The following CDCA2 variants were observed in gnomAD, a reference collection of about 807,000 sequenced individuals.
CDCA2 encodes cell division cycle associated 2.
CDCA2 carries 44 observed loss-of-function variants against 67.0 expected under a neutral mutation model. That is an observed-to-expected ratio of 0.66 (90% CI 0.52 to 0.84). The LOEUF is 0.84. CDCA2 is among the 40% of genes least tolerant of loss of function. CDCA2 has a pLI of 0.00. For synonymous variants in CDCA2, 447 were observed against 418.7 expected (o/e 1.07, Z -0.82); for missense variants, 1,253 against 1,203.2 (o/e 1.04, Z -0.61).
At chr8:25,477,590 A>T (rs1803399794) in intron 7 of CDCA2, among the ~76,000 whole-genome samples, 1 of 152,170 alleles carries the variant, frequency 6.6e-6, no homozygotes, top group African/African-American at 2.4e-5. Flanking sequence ...TGTAATCTGA[A>T]ACACTTCTGA....
rs145029103 is a variant in CDCA2 at position 25,459,473 on chromosome 8, G to T, written c.-1G>T. The T allele has an allele frequency of 3.9e-5, 6 of 152,540 alleles. No individual in the cohort carries two copies. Among genetic ancestry groups the T allele is most frequent in the Admixed American group, 2.0e-4 (3 of 15,314 alleles). 9.4% of individuals were successfully genotyped at this position (152,540 alleles called of 1,614,324 possible). ...GCGGGCCTTCAGGTGCGGCGTGAGA[G>T]GTAGGATTGCATCCGCGCTGCCACG... On this transcript the variant is annotated splice_region_variant and 5_prime_UTR_variant, in exon 1 of 15. Coordinates refer to ENST00000330560, the MANE Select transcript of CDCA2 (RefSeq NM_152562.4).
chr8:25,460,122 C>A, intron 1 of CDCA2, 118 bp from the exon 2 acceptor site: 1 of 911,080 alleles, frequency 1.1e-6, no homozygotes, highest in Non-Finnish European at 1.8e-6. Flanking sequence ...AAACCTGTGA[C>A]GTGTGTTTCT....
intron 13 of CDCA2, among the ~76,000 whole-genome samples, chr8:25,490,978 G>C (rs893286566): frequency 5.0e-4 from 76 of 152,148 alleles, no homozygotes; most frequent in Non-Finnish European, 7.4e-5. Context: ...GTTAAAAACT[G>C]ACTTCAGAGA....
At chr8:25,469,824 C>T (rs952146588) in intron 6 of CDCA2, 72 bp from the exon 7 acceptor site, 1 of 899,896 alleles carries the variant, frequency 1.1e-6, no homozygotes, top group East Asian at 2.5e-5. Context: ...ATAATGTTTA[C>T]TCAAATCTTC....
At position 25,506,758 on chromosome 8, in the gene CDCA2, T is replaced by C; in HGVS notation, c.2092T>C (p.Ser698Pro). Residue 698 changes from serine to proline, a missense_variant, in exon 15 of 15, where the codon TCA becomes CCA. By Grantham distance (74) the Ser-to-Pro change is moderately conservative (BLOSUM62 -1). Transcript: ENST00000330560. The part of the protein sequence containing the change: ...NKNIPKAKNK[S>P]ESENEPKAGT... ...AAATATTCCAAAAGCAAAAAATAAG[T>C]CAGAAAGTGAAAATGAACCAAAAGC... 6.2e-7 allele frequency: 1 copy of C among 1,613,308 alleles called. No homozygotes were observed. The highest frequency in any genetic ancestry group is 8.5e-7 in the Non-Finnish European group (1 of 1,179,868).
chr8:25,460,809 A>G (rs866974598), intron 3 of CDCA2, among the ~76,000 whole-genome samples: 1 of 152,196 alleles, frequency 6.6e-6, no homozygotes, highest in Non-Finnish European at 1.5e-5. Flanking sequence ...ACTAGAAAAT[A>G]ATGTGTGTGT....
chr8:25,484,692 A>G (rs1426119672), intron 10 of CDCA2, among the ~76,000 whole-genome samples: 1 of 151,554 alleles, frequency 6.6e-6, no homozygotes, highest in Non-Finnish European at 1.5e-5. Flanking sequence ...CCCAGGCTCA[A>G]GCTATCCTCC....
intron 13 of CDCA2, among the ~76,000 whole-genome samples, chr8:25,496,150 A>G (rs908129148): frequency 5.9e-5 from 9 of 151,980 alleles, no homozygotes; most frequent in Non-Finnish European, 1.0e-4. Flanking sequence ...GAAGGATGCT[A>G]AAAAAAACTA....
intron 13 of CDCA2, among the ~76,000 whole-genome samples, chr8:25,496,880 T>C (rs923583943): frequency 6.6e-6 from 1 of 152,196 alleles, no homozygotes; most frequent in Non-Finnish European, 1.5e-5. Context: ...ACAAAATGTT[T>C]TATTTGGGAA....
intron 7 of CDCA2, among the ~76,000 whole-genome samples, chr8:25,477,237 C>G (rs557977781): frequency 1.3e-5 from 2 of 152,322 alleles, no homozygotes; most frequent in Non-Finnish European, 2.9e-5. Context: ...TACAACCAGG[C>G]CCTCCTGTGA....
At chr8:25,461,097 G>A (rs529524547) in intron 3 of CDCA2, among the ~76,000 whole-genome samples, 153 of 151,826 alleles carry the variant, frequency 1.0e-3, no homozygotes, top group African/African-American at 3.3e-3. Context: ...GAGAAACCTC[G>A]TCTCTACTAA....
chr8:25,474,927 C>G (rs1421434059), intron 7 of CDCA2, among the ~76,000 whole-genome samples: 1 of 152,184 alleles, frequency 6.6e-6, no homozygotes, highest in Non-Finnish European at 1.5e-5. Flanking sequence ...TTGGTAGAGT[C>G]ACTTCTCTGC....
intron 8 of CDCA2, among the ~76,000 whole-genome samples, chr8:25,483,163 C>G (rs190051775): frequency 1.3e-5 from 2 of 152,144 alleles, no homozygotes; most frequent in East Asian, 3.9e-4. Context: ...TTATTGATTT[C>G]TATGCTTTAA....
intron 6 of CDCA2, 37 bp from the exon 7 acceptor site, chr8:25,469,855 CTAAT>C: frequency 7.6e-7 from 1 of 1,309,706 alleles, no homozygotes; most frequent in South Asian, 1.2e-5. Context: ...TAGTAGTACT[CTAAT>C]TAATAAAATG....
intron 3 of CDCA2, 79 bp from the exon 4 acceptor site, chr8:25,461,975 C>A (rs1366539430): frequency 9.5e-6 from 13 of 1,363,130 alleles, no homozygotes; most frequent in Non-Finnish European, 1.2e-5. Context: ...CTCTCTCAGG[C>A]TGGTACATCA....
intron 5 of CDCA2, 134 bp downstream of exon 5, chr8:25,466,459 A>G: frequency 1.3e-6 from 1 of 797,578 alleles, no homozygotes; most frequent in Non-Finnish European, 1.8e-6. Flanking sequence ...AACATTAAAA[A>G]TTTGGGACAT....
intron 14 of CDCA2, among the ~76,000 whole-genome samples, chr8:25,505,677 A>G (rs1366338624): frequency 6.6e-6 from 1 of 152,184 alleles, no homozygotes; most frequent in Non-Finnish European, 1.5e-5. Flanking sequence ...CTTATGTTTT[A>G]TACTTTTTTT....
At chr8:25,469,847 G>C in intron 6 of CDCA2, 49 bp from the exon 7 acceptor site, 1 of 1,180,620 alleles carries the variant, frequency 8.5e-7, no homozygotes, top group East Asian at 2.4e-5. Flanking sequence ...AAAGGCATTA[G>C]TAGTACTCTA....
intron 7 of CDCA2, among the ~76,000 whole-genome samples, chr8:25,473,191 C>T (rs894018311): frequency 2.0e-5 from 3 of 152,132 alleles, no homozygotes; most frequent in African/African-American, 7.2e-5. Flanking sequence ...AGTCTCCTCG[C>T]TTTTAGGGTT....
Sources: allele counts gnomAD v4.1 joint callset (sites outside exome capture counted in the v4.1 genomes callset), GRCh38; gene constraint gnomAD v4.1.1; transcripts MANE v1.5; gene names NCBI Gene and HGNC (gene_info 2026-07-23, HGNC 2026-07-21).